Variants in IRAK1BP1 observed in about 807,000 individuals in gnomAD.
IRAK1BP1 encodes the protein interleukin 1 receptor associated kinase 1 binding protein 1.
Under a neutral mutation model 28.0 loss-of-function variants are expected in IRAK1BP1, and 24 were observed. That is an observed-to-expected ratio of 0.86 (90% CI 0.62 to 1.20). The LOEUF (loss-of-function observed/expected upper bound fraction) is 1.20. Ranked by LOEUF, IRAK1BP1 falls within the 50% of genes most tolerant of loss-of-function variation. IRAK1BP1 has a pLI of 0.00. For synonymous variants in IRAK1BP1, 131 were observed against 116.3 expected, an observed-to-expected ratio of 1.13 and a Z score of -0.81; for missense variants, 336 against 316.7, an observed-to-expected ratio of 1.06 and a Z score of -0.46.
At chr6:78,884,863 A>G (rs558933083) in intron 1 of IRAK1BP1, among the ~76,000 whole-genome samples, 1 of 152,256 alleles carries the variant, frequency 6.6e-6, no homozygotes, top group East Asian at 1.9e-4. Context: ...TACTTTCATT[A>G]TAAGGTAATA....
Position 78,898,257 on chromosome 6 carries a change from G to A in IRAK1BP1, c.706G>A (p.Ala236Thr). 6.2e-7 allele frequency: 1 copy of A among 1,612,836 alleles called. No homozygotes were observed. ...AACTGTACAACAAAAAATCAAAAGT[G>A]CAACAATACATGCTGCTTCAAAAGT... ...SLTVQQKIKS[A>T]TIHAASKVFI... The change falls in exon 4 of 4, where the codon GCA becomes ACA. Residue 236 changes from alanine to threonine, a missense_variant. Physicochemically the swap from Ala to Thr is moderately conservative, Grantham distance 58 (BLOSUM62 0). Coordinates refer to ENST00000369940, the MANE Select transcript of IRAK1BP1 (RefSeq NM_001010844.4).
the IRAK1BP1 span, among the ~76,000 whole-genome samples, chr6:78,972,470 C>A: frequency 2.6e-5 from 4 of 152,272 alleles, no homozygotes; most frequent in East Asian, 3.9e-4. Flanking sequence ...AATCAGAGCA[C>A]CTCTCCTCCT....
chr6:78,897,747 A>T, intron 2 of IRAK1BP1, 82 bp from the exon 3 acceptor site: 1 of 1,219,068 alleles, frequency 8.2e-7, no homozygotes, highest in Non-Finnish European at 1.1e-6. Flanking sequence ...TAGTCTGGCT[A>T]TACTTTTTTT....
the IRAK1BP1 span, chr6:78,971,024 C>T: frequency 1.6e-6 from 1 of 616,780 alleles, no homozygotes; most frequent in Non-Finnish European, 2.8e-6. Context: ...CTCCCTCCTC[C>T]TTTCTCTCAA....
chr6:78,948,793 C>T (rs557065558), downstream of IRAK1BP1, among the ~76,000 whole-genome samples: 1 of 152,300 alleles, frequency 6.6e-6, no homozygotes, highest in East Asian at 1.9e-4. Flanking sequence ...CACACCTGGC[C>T]TGCAGCTTTT....
intron 4 of IRAK1BP1, chr6:78,935,491 CAA>C (rs1773243170): frequency 3.1e-6 from 3 of 977,812 alleles, no homozygotes; most frequent in Non-Finnish European, 3.6e-6. Flanking sequence ...AATATTTATG[CAA>C]AGTGTTCCAC....
chr6:78,910,314 C>A (rs187711933), intron 4 of IRAK1BP1, among the ~76,000 whole-genome samples: 94 of 152,192 alleles, frequency 6.2e-4, no homozygotes, highest in Middle Eastern at 3.4e-3. Flanking sequence ...ATAAAAAACG[C>A]GATGGATTCT....
chr6:78,969,869 T>G, the IRAK1BP1 span: 2 of 1,595,310 alleles, frequency 1.3e-6, no homozygotes, highest in Non-Finnish European at 1.7e-6. Flanking sequence ...CATCATCAAA[T>G]TGTTGTCTCA....
chr6:78,959,571 G>A, the IRAK1BP1 span, among the ~76,000 whole-genome samples: 1 of 152,090 alleles, frequency 6.6e-6, no homozygotes, highest in East Asian at 1.9e-4. Context: ...AGTGAAGGAA[G>A]AAGCAAAAAC....
chr6:78,896,801 GA>G, intron 2 of IRAK1BP1, among the ~76,000 whole-genome samples: 1 of 147,182 alleles, frequency 6.8e-6, no homozygotes, highest in African/African-American at 2.5e-5. Context: ...CTCCAGCCAG[GA>G]AAACAGAAAG....
intron 2 of IRAK1BP1, among the ~76,000 whole-genome samples, chr6:78,888,420 T>G (rs1176431838): frequency 6.6e-6 from 1 of 152,184 alleles, no homozygotes; most frequent in Non-Finnish European, 1.5e-5. Flanking sequence ...TTGATTATAG[T>G]GATAGTATCA....
At chr6:78,943,519 T>C (rs1488577167) in intron 4 of IRAK1BP1, among the ~76,000 whole-genome samples, 1 of 152,222 alleles carries the variant, frequency 6.6e-6, no homozygotes, top group Non-Finnish European at 1.5e-5. Flanking sequence ...AACACTCATA[T>C]GCAAAGCATT....
downstream of IRAK1BP1, among the ~76,000 whole-genome samples, chr6:78,907,445 G>A (rs1040790507): frequency 1.3e-5 from 2 of 151,976 alleles, no homozygotes; most frequent in African/African-American, 4.8e-5. Context: ...AAGCCCACCT[G>A]GTATTTGTGA....
chr6:78,896,140 A>G (rs1055958006), intron 2 of IRAK1BP1, among the ~76,000 whole-genome samples: 13 of 152,228 alleles, frequency 8.5e-5, no homozygotes, highest in Admixed American at 8.5e-4. Context: ...TGGAAGATTC[A>G]CTATTCCAGA....
intron 4 of IRAK1BP1, among the ~76,000 whole-genome samples, chr6:78,910,630 T>C (rs1239175573): frequency 6.6e-6 from 1 of 152,226 alleles, no homozygotes; most frequent in Non-Finnish European, 1.5e-5. Flanking sequence ...GAAGGGCGCA[T>C]TCTCGGCGCG....
intron 2 of IRAK1BP1, among the ~76,000 whole-genome samples, chr6:78,893,559 C>T (rs1487215651): frequency 2.6e-5 from 4 of 151,950 alleles, no homozygotes; most frequent in South Asian, 4.2e-4. Context: ...ATGGTAACTA[C>T]GTGGGTTTTT....
At chr6:78,915,688 C>T (rs1224713226) in intron 4 of IRAK1BP1, among the ~76,000 whole-genome samples, 1 of 152,218 alleles carries the variant, frequency 6.6e-6, no homozygotes, top group Non-Finnish European at 1.5e-5. Context: ...TTCAACCTTA[C>T]TTCCTTTTCT....
chr6:78,872,011 T>C, intron 1 of IRAK1BP1: 1 of 619,242 alleles, frequency 1.6e-6, no homozygotes, highest in South Asian at 1.9e-5. Flanking sequence ...TGCCAGGGAA[T>C]TAAAGTCCTC....
chr6:78,924,118 A>G (rs1429094033), intron 4 of IRAK1BP1, among the ~76,000 whole-genome samples: 3 of 152,212 alleles, frequency 2.0e-5, no homozygotes, highest in African/African-American at 4.8e-5. Context: ...CAAAAAATCA[A>G]TGAATCCAGG....
Sources: gnomAD v4.1 joint callset for allele counts (sites outside exome capture counted in the v4.1 genomes callset) on GRCh38, gnomAD v4.1.1 for gene constraint, MANE v1.5 for transcripts, NCBI Gene and HGNC (gene_info 2026-07-23, HGNC 2026-07-21) for gene names.